The following ANKS1B variants were observed in gnomAD, a reference collection of about 807,000 sequenced individuals.
ANKS1B encodes ankyrin repeat and sterile alpha motif domain containing 1B.
In ANKS1B, 36 loss-of-function variants were observed where a neutral mutation model predicts 148.3. The ratio of observed to expected loss-of-function variants is 0.24; its 90% CI spans 0.19 to 0.32. The LOEUF is 0.32. Ranked by LOEUF, ANKS1B falls within the 10% of genes least tolerant of loss-of-function variation. The pLI, the probability that ANKS1B is intolerant of heterozygous loss-of-function variation, is 1.00. For missense variants in ANKS1B, 1,157 were observed against 1,542.6 expected (o/e 0.75, Z 4.19); for synonymous variants, 542 against 560.8 (o/e 0.97, Z 0.47).
intron 2 of ANKS1B, among the ~76,000 whole-genome samples, chr12:99,816,245 G>A (rs146712194): frequency 2.0e-5 from 3 of 151,892 alleles, no homozygotes; most frequent in East Asian, 3.9e-4. Flanking sequence ...GATTAGTGAC[G>A]TTGAGCACTG....
intron 17 of ANKS1B, among the ~76,000 whole-genome samples, chr12:99,001,174 G>C (rs955241968): frequency 6.6e-6 from 1 of 151,972 alleles, no homozygotes. Flanking sequence ...TCGCTCTGTT[G>C]CCCGGGCTGG....
chr12:99,875,613 G>C (rs1373901542), intron 1 of ANKS1B, among the ~76,000 whole-genome samples: 1 of 152,224 alleles, frequency 6.6e-6, no homozygotes, highest in Non-Finnish European at 1.5e-5. Context: ...GATGCAGACA[G>C]AAGTGATATT....
chr12:99,320,221 G>A (rs1222953990), intron 12 of ANKS1B, among the ~76,000 whole-genome samples: 1 of 152,156 alleles, frequency 6.6e-6, no homozygotes, highest in African/African-American at 2.4e-5. Context: ...TGTATCTCCT[G>A]AATTTGAATG....
intron 12 of ANKS1B, among the ~76,000 whole-genome samples, chr12:99,257,267 C>A (rs998408970): frequency 2.6e-5 from 4 of 152,076 alleles, no homozygotes; most frequent in Non-Finnish European, 5.9e-5. Flanking sequence ...TTATTTCATC[C>A]CGAGTCTCTG....
At chr12:99,340,881 A>G (rs1213380638) in intron 12 of ANKS1B, among the ~76,000 whole-genome samples, 2 of 152,142 alleles carry the variant, frequency 1.3e-5, no homozygotes, top group African/African-American at 4.8e-5. Flanking sequence ...ACAGATAAGC[A>G]TAAAGGAAAG....
chr12:99,496,480 G>T (rs1037578649), intron 10 of ANKS1B, among the ~76,000 whole-genome samples: 1 of 152,138 alleles, frequency 6.6e-6, no homozygotes, highest in Non-Finnish European at 1.5e-5. Flanking sequence ...AATAGTGGTC[G>T]CATAAACATG....
chr12:99,167,264 C>T (rs1259411640), intron 14 of ANKS1B, among the ~76,000 whole-genome samples: 2 of 152,016 alleles, frequency 1.3e-5, no homozygotes, highest in Non-Finnish European at 2.9e-5. Context: ...TTTTCAGACT[C>T]TTCCCTTTGA....
intron 12 of ANKS1B, among the ~76,000 whole-genome samples, chr12:99,345,854 T>C (rs986282626): frequency 6.6e-6 from 1 of 151,960 alleles, no homozygotes; most frequent in Non-Finnish European, 1.5e-5. Context: ...CTAAAAAAAA[T>C]GCTCTTTGTA....
chr12:99,641,556 T>C (rs1412102326), intron 9 of ANKS1B, among the ~76,000 whole-genome samples: 6 of 152,092 alleles, frequency 3.9e-5, no homozygotes, highest in African/African-American at 7.2e-5. Context: ...GATGGAAAGA[T>C]GTATAAAAGA....
At chr12:99,546,233 A>C (rs1483367437) in intron 9 of ANKS1B, among the ~76,000 whole-genome samples, 3 of 152,158 alleles carry the variant, frequency 2.0e-5, no homozygotes, top group Non-Finnish European at 4.4e-5. Flanking sequence ...ATAAAATACA[A>C]ATCTATCAAA....
intron 9 of ANKS1B, among the ~76,000 whole-genome samples, chr12:99,596,965 A>G (rs1465332724): frequency 6.6e-6 from 1 of 151,956 alleles, no homozygotes; most frequent in Non-Finnish European, 1.5e-5. Flanking sequence ...GGAATTGCTG[A>G]GTCATATGGT....
intron 17 of ANKS1B, among the ~76,000 whole-genome samples, chr12:99,051,376 G>A (rs75853448): frequency 0.011 from 1,730 of 152,302 alleles, 46 homozygotes; most frequent in East Asian, 0.094. Flanking sequence ...CCTATTGTAA[G>A]TATTAATTCT....
At chr12:99,872,057 A>T (rs1052512114) in intron 1 of ANKS1B, among the ~76,000 whole-genome samples, 3 of 152,168 alleles carry the variant, frequency 2.0e-5, no homozygotes, top group African/African-American at 7.2e-5. Flanking sequence ...TAATAAGGCA[A>T]ACCACAGATG....
chr12:98,868,092 C>A (rs543856494), intron 17 of ANKS1B, among the ~76,000 whole-genome samples: 7 of 152,308 alleles, frequency 4.6e-5, no homozygotes, highest in African/African-American at 1.4e-4. Context: ...TCTATCAAAC[C>A]ACTGATTAAA....
intron 14 of ANKS1B, among the ~76,000 whole-genome samples, chr12:99,168,087 G>A (rs2077367181): frequency 6.6e-6 from 1 of 152,178 alleles, no homozygotes; most frequent in South Asian, 2.1e-4. Context: ...GGAAACTTTT[G>A]GGGCTGATGA....
chr12:99,149,171 G>A (rs2074151109), intron 15 of ANKS1B, among the ~76,000 whole-genome samples: 1 of 151,998 alleles, frequency 6.6e-6, no homozygotes, highest in Non-Finnish European at 1.5e-5. Flanking sequence ...ATACTTAAAA[G>A]GTCATTTTTT....
intron 8 of ANKS1B, among the ~76,000 whole-genome samples, chr12:99,678,853 A>G (rs2098597349): frequency 6.6e-6 from 1 of 152,212 alleles, no homozygotes; most frequent in African/African-American, 2.4e-5. Flanking sequence ...TTTATGAGAC[A>G]GTGGCTTAAA....
At chr12:99,000,687 A>G (rs1471626096) in intron 17 of ANKS1B, among the ~76,000 whole-genome samples, 1 of 152,248 alleles carries the variant, frequency 6.6e-6, no homozygotes, top group African/African-American at 2.4e-5. Flanking sequence ...CAGGTTGTAC[A>G]GCAGATCCCT....
intron 17 of ANKS1B, chr12:98,894,853 G>C (rs1281915696): frequency 1.0e-6 from 1 of 980,528 alleles, no homozygotes. Context: ...CCGAGCGCCG[G>C]GCTCTCCCCG....
Sources: allele counts gnomAD v4.1 joint callset (sites outside exome capture counted in the v4.1 genomes callset), GRCh38; gene constraint gnomAD v4.1.1; transcripts MANE v1.5; gene names NCBI Gene and HGNC (gene_info 2026-07-23, HGNC 2026-07-21).